MYO3A: variants seen among roughly 807,000 people sequenced by gnomAD.
MYO3A encodes myosin-IIIa.
MYO3A carries 180 observed loss-of-function variants against 192.7 expected under a neutral mutation model. That is an observed-to-expected ratio of 0.93 (90% CI 0.83 to 1.06). The LOEUF is 1.06. MYO3A is among the 50% of genes least tolerant of loss of function. MYO3A has a pLI of 0.00. For missense variants in MYO3A, 1,896 were observed against 1,905.0 expected, an observed-to-expected ratio of 1.00 and a Z score of 0.09; for synonymous variants, 628 against 645.3, an observed-to-expected ratio of 0.97 and a Z score of 0.41.
intron 4 of MYO3A, among the ~76,000 whole-genome samples, chr10:25,964,969 A>G (rs1195390772): frequency 6.6e-6 from 1 of 152,194 alleles, no homozygotes; most frequent in Non-Finnish European, 1.5e-5. Context: ...AGTTGCTGCC[A>G]GAAGTATTGA....
At chr10:26,068,653 T>C in intron 11 of MYO3A, 115 bp from the exon 12 acceptor site, 1 of 666,658 alleles carries the variant, frequency 1.5e-6, no homozygotes, top group South Asian at 1.7e-5. Flanking sequence ...AGTGTGTCTG[T>C]TTTTCTAATC....
chr10:26,109,014 A>T (rs371253279), intron 17 of MYO3A, among the ~76,000 whole-genome samples: 2 of 152,194 alleles, frequency 1.3e-5, no homozygotes, highest in Non-Finnish European at 2.9e-5. Flanking sequence ...ATAACCCAGA[A>T]ATTTTCCAGA....
chr10:25,975,012 G>C (rs2130757660), intron 4 of MYO3A, among the ~76,000 whole-genome samples: 1 of 152,280 alleles, frequency 6.6e-6, no homozygotes, highest in East Asian at 1.9e-4. Flanking sequence ...GTGGCCTCTG[G>C]TAGAAGCCAA....
At chr10:25,999,221 A>T (rs1840634146) in intron 6 of MYO3A, among the ~76,000 whole-genome samples, 1 of 152,192 alleles carries the variant, frequency 6.6e-6, no homozygotes, top group Non-Finnish European at 1.5e-5. Context: ...TTTTTAAAAC[A>T]TCATAAATTG....
At chr10:26,000,607 AGGG>A (rs1046082937) in intron 6 of MYO3A, among the ~76,000 whole-genome samples, 11 of 148,892 alleles carry the variant, frequency 7.4e-5, no homozygotes, top group African/African-American at 2.8e-4. Flanking sequence ...GATACACCAC[AGGG>A]TTTTTTTTTA....
At position 26,120,810 on chromosome 10, in the gene MYO3A, T is replaced by C. The variant is rs1315048780; in HGVS notation, c.1903+8T>C. The C allele has an allele frequency of 1.2e-6, 2 of 1,613,832 alleles. No individual in the cohort carries two copies. Among genetic ancestry groups the C allele is most frequent in the East Asian group, 4.5e-5 (2 of 44,834 alleles). On this transcript the variant is annotated splice_region_variant and intron_variant, in intron 18 of 34. Coordinates refer to ENST00000642920, the MANE Select transcript of MYO3A (RefSeq NM_017433.5). ...ATACAGCCCTGGAGAACTGTAAGTT[T>C]TATTACCTTCTATTCAAAACTGAAA... is the stretch of plus-strand genomic sequence containing the variant.
intron 18 of MYO3A, 105 bp from the exon 19 acceptor site, chr10:26,125,292 CA>C (rs1449196941): frequency 1.0e-6 from 1 of 957,242 alleles, no homozygotes; most frequent in Non-Finnish European, 1.6e-6. Flanking sequence ...AATCTCCACA[CA>C]TTTAATTCAT....
intron 6 of MYO3A, among the ~76,000 whole-genome samples, chr10:26,011,293 G>A (rs559766167): frequency 1.1e-4 from 16 of 152,240 alleles, no homozygotes; most frequent in Admixed American, 8.5e-4. Flanking sequence ...AGTCAGCCGG[G>A]TGTGGTAGTG....
chr10:26,058,900 G>C (rs562291623), intron 10 of MYO3A, among the ~76,000 whole-genome samples: 121 of 151,836 alleles, frequency 8.0e-4, no homozygotes, highest in African/African-American at 2.7e-3. Context: ...TAATTTTCTT[G>C]TATGTATTTT....
At chr10:26,091,250 G>A (rs1036387849) in intron 15 of MYO3A, among the ~76,000 whole-genome samples, 5 of 151,996 alleles carry the variant, frequency 3.3e-5, no homozygotes, top group South Asian at 4.2e-4. Flanking sequence ...TCTTTTCTTC[G>A]GTTTTTGCCT....
At chr10:26,139,620 G>A (rs138201676) in intron 20 of MYO3A, among the ~76,000 whole-genome samples, 309 of 152,266 alleles carry the variant, frequency 2.0e-3, no homozygotes, top group African/African-American at 7.3e-3. Flanking sequence ...GGCCAGGTAC[G>A]GTGGCTCATG....
intron 11 of MYO3A, 27 bp from the exon 12 acceptor site, chr10:26,068,741 A>G (rs530118439): frequency 1.4e-6 from 2 of 1,400,356 alleles, no homozygotes; most frequent in East Asian, 2.3e-5. Flanking sequence ...ATTTTTAAGA[A>G]GGAGAAATTA....
chr10:26,133,767 A>G (rs141272634), intron 20 of MYO3A, among the ~76,000 whole-genome samples: 1 of 152,266 alleles, frequency 6.6e-6, no homozygotes, highest in African/African-American at 2.4e-5. Context: ...CTAAATTTTC[A>G]GAAGTTTTGA....
intron 23 of MYO3A, among the ~76,000 whole-genome samples, chr10:26,150,528 T>C (rs2131888954): frequency 6.6e-6 from 1 of 152,332 alleles, no homozygotes; most frequent in East Asian, 1.9e-4. Context: ...CTGAGTTATC[T>C]AATTTTTGAG....
At chr10:25,995,541 G>A (rs1360551409) in intron 4 of MYO3A, among the ~76,000 whole-genome samples, 2 of 152,246 alleles carry the variant, frequency 1.3e-5, no homozygotes, top group East Asian at 1.9e-4. Context: ...TTCCATTGCT[G>A]GTGAGGAGCT....
chr10:26,021,449 A>C, intron 7 of MYO3A, 54 bp from the exon 8 acceptor site: 1 of 1,578,452 alleles, frequency 6.3e-7, no homozygotes, highest in East Asian at 2.2e-5. Context: ...GTATTTTATT[A>C]CATGCTTGTT....
chr10:26,166,025 G>A (rs1841724850), intron 26 of MYO3A, 42 bp from the exon 27 acceptor site: 2 of 1,507,630 alleles, frequency 1.3e-6, no homozygotes, highest in Non-Finnish European at 1.8e-6. Flanking sequence ...AGAGATGTTG[G>A]CACTTTATGC....
At chr10:25,956,438 G>A (rs886430990) in intron 4 of MYO3A, among the ~76,000 whole-genome samples, 23 of 149,526 alleles carry the variant, frequency 1.5e-4, no homozygotes, top group Non-Finnish European at 1.2e-4. Context: ...AGTGATTCTC[G>A]AGCCTCAGCC....
intron 17 of MYO3A, among the ~76,000 whole-genome samples, chr10:26,112,248 G>A (rs1447597481): frequency 1.3e-5 from 2 of 152,044 alleles, no homozygotes; most frequent in Non-Finnish European, 2.9e-5. Context: ...TCTGTTTTTG[G>A]ATCTGAAGCA....
Sources: allele counts gnomAD v4.1 joint callset (sites outside exome capture counted in the v4.1 genomes callset), GRCh38; gene constraint gnomAD v4.1.1; transcripts MANE v1.5; gene names NCBI Gene and HGNC (gene_info 2026-07-23, HGNC 2026-07-21).